Variants in ROBO2 observed in about 807,000 individuals in gnomAD.
ROBO2 encodes the protein roundabout homolog 2.
In ROBO2, 53 loss-of-function variants were observed where a neutral mutation model predicts 160.8. That is an observed-to-expected ratio of 0.33 (90% CI 0.26 to 0.41). The LOEUF (loss-of-function observed/expected upper bound fraction) is 0.41, where lower values mean the gene tolerates loss of function less well. ROBO2 is among the 10% of genes least tolerant of loss of function. ROBO2 has a pLI of 1.00. For synonymous variants in ROBO2, 664 were observed against 611.7 expected, an observed-to-expected ratio of 1.09 and a Z score of -1.26; for missense variants, 1,577 against 1,722.4, an observed-to-expected ratio of 0.92 and a Z score of 1.49.
intron 2 of ROBO2, among the ~76,000 whole-genome samples, chr3:76,219,220 C>G (rs1009623273): frequency 2.0e-5 from 3 of 152,116 alleles, no homozygotes; most frequent in Non-Finnish European, 4.4e-5. Context: ...ACCATAAAAA[C>G]CCTAGAAGAA....
intron 2 of ROBO2, among the ~76,000 whole-genome samples, chr3:77,298,952 A>G (rs1428102213): frequency 6.6e-6 from 1 of 152,208 alleles, no homozygotes; most frequent in East Asian, 1.9e-4. Context: ...AGGACATTTC[A>G]GAAGATAGAG....
At chr3:76,979,806 ATTC>A (rs2060004844) in intron 2 of ROBO2, among the ~76,000 whole-genome samples, 2 of 151,934 alleles carry the variant, frequency 1.3e-5, no homozygotes, top group Non-Finnish European at 2.9e-5. Flanking sequence ...TGCATTTTGT[ATTC>A]TTTACTTGAT....
At chr3:76,086,881 A>G (rs967451413) in intron 2 of ROBO2, among the ~76,000 whole-genome samples, 1 of 152,162 alleles carries the variant, frequency 6.6e-6, no homozygotes, top group African/African-American at 2.4e-5. Flanking sequence ...AGAGTTTAAA[A>G]ACACTAATAG....
At chr3:77,070,335 G>C (rs1469068681) in intron 1 of ROBO2, among the ~76,000 whole-genome samples, 1 of 152,060 alleles carries the variant, frequency 6.6e-6, no homozygotes, top group Non-Finnish European at 1.5e-5. Flanking sequence ...AGCTTTGGTG[G>C]CTTAGATGTT....
At chr3:76,519,973 C>T (rs2081519776) in intron 2 of ROBO2, among the ~76,000 whole-genome samples, 1 of 152,030 alleles carries the variant, frequency 6.6e-6, no homozygotes, top group Admixed American at 6.5e-5. Flanking sequence ...CTCAGAGCAC[C>T]CAAGGACTCA....
intron 2 of ROBO2, among the ~76,000 whole-genome samples, chr3:76,411,117 A>G (rs1181710380): frequency 1.3e-5 from 2 of 152,176 alleles, no homozygotes; most frequent in Non-Finnish European, 2.9e-5. Context: ...TCCAATGGCC[A>G]TGAACAAAAC....
intron 2 of ROBO2, among the ~76,000 whole-genome samples, chr3:77,237,567 A>G (rs2088261539): frequency 1.3e-5 from 2 of 151,974 alleles, no homozygotes; most frequent in South Asian, 2.1e-4. Flanking sequence ...ACCTGGTGAT[A>G]GCTCCTTTTT....
At position 75,988,015 on chromosome 3, in the gene ROBO2, T is replaced by C. The variant is rs1242896742; in HGVS notation, c.109+50413T>C. Among the ~76,000 whole-genome samples, 3 of 152,160 alleles carry C rather than the reference T, an allele frequency of 2.0e-5. 1 individual carries two copies. Among genetic ancestry groups the C allele is most frequent in the African/African-American group, 2.4e-5 (1 of 41,538 alleles). ...GTTTTTTTGTTTTTTGCAATGTCTT[T>C]GTCTGGTTTTGGTAGTAGGGTAATG... On this transcript the variant is annotated intron_variant, in intron 2 of 26. Coordinates refer to the ROBO2 transcript ENST00000487694.
intron 2 of ROBO2, among the ~76,000 whole-genome samples, chr3:76,252,428 C>G (rs535371191): frequency 6.6e-6 from 1 of 152,030 alleles, no homozygotes; most frequent in African/African-American, 2.4e-5. Context: ...ACAGCCACCA[C>G]TGTTTATTAA....
At chr3:76,987,628 G>T (rs1428157545) in intron 2 of ROBO2, among the ~76,000 whole-genome samples, 1 of 151,900 alleles carries the variant, frequency 6.6e-6, no homozygotes, top group Non-Finnish European at 1.5e-5. Context: ...TTTTTAAAAA[G>T]GCAGCTTAAA....
rs540719418 is a variant in ROBO2, at chr3:76,628,022, C to T, written c.110-469992C>T. 3.1e-5 allele frequency among the ~76,000 whole-genome samples: 4 copies of T among 129,572 alleles called. No individual in the cohort carries two copies. In the South Asian group the frequency reaches 1.0e-3, roughly 32 times the overall value. 85.0% of individuals were successfully genotyped at this position (129,572 alleles called of 152,430 possible). ...ATTATAACAAGAGTAGTTTTAAGTCCTTTGGCTAAGGAAAAAAGGTATATT... is the reference window on the plus strand; with the variant it reads ...ATTATAACAAGAGTAGTTTTAAGTCTTTTGGCTAAGGAAAAAAGGTATATT... On this transcript the variant is annotated intron_variant, in intron 2 of 26. Transcript: ENST00000487694.
chr3:77,118,384 C>A (rs2074409835), intron 2 of ROBO2, among the ~76,000 whole-genome samples: 1 of 152,126 alleles, frequency 6.6e-6, no homozygotes, highest in South Asian at 2.1e-4. Flanking sequence ...TTTGGAAATT[C>A]ATTTGAGCAG....
intron 2 of ROBO2, among the ~76,000 whole-genome samples, chr3:76,954,001 C>T (rs891364864): frequency 1.7e-4 from 26 of 152,198 alleles, no homozygotes; most frequent in African/African-American, 6.3e-4. Flanking sequence ...TCTCAAATAT[C>T]TATGCAGTTA....
intron 1 of ROBO2, among the ~76,000 whole-genome samples, chr3:75,922,778 G>A (rs528063062): frequency 1.8e-4 from 28 of 152,142 alleles, no homozygotes; most frequent in Non-Finnish European, 2.9e-4. Flanking sequence ...AATCTATTTT[G>A]AAAATGTTTA....
intron 2 of ROBO2, among the ~76,000 whole-genome samples, chr3:76,551,822 C>G (rs757322304): frequency 6.6e-6 from 1 of 152,186 alleles, no homozygotes; most frequent in Non-Finnish European, 1.5e-5. Context: ...GAGCTGCCCA[C>G]TGTGCCACAG....
intron 2 of ROBO2, among the ~76,000 whole-genome samples, chr3:76,219,604 A>G (rs1234543779): frequency 1.3e-5 from 2 of 152,240 alleles, no homozygotes; most frequent in Non-Finnish European, 2.9e-5. Flanking sequence ...CATCAGAGAC[A>G]TGCAAATCAA....
intron 1 of ROBO2, among the ~76,000 whole-genome samples, chr3:77,053,835 A>G (rs542877267): frequency 1.3e-5 from 2 of 152,306 alleles, no homozygotes; most frequent in Middle Eastern, 3.4e-3. Context: ...AAGCCAGCAA[A>G]GCAATAACAC....
chr3:76,130,385 A>T (rs1392507839), intron 2 of ROBO2, among the ~76,000 whole-genome samples: 2 of 152,174 alleles, frequency 1.3e-5, no homozygotes, highest in South Asian at 4.1e-4. Flanking sequence ...AGTTAAAAGG[A>T]AAATATTTCT....
intron 2 of ROBO2, among the ~76,000 whole-genome samples, chr3:76,387,532 T>C (rs2076950723): frequency 6.6e-6 from 1 of 152,150 alleles, no homozygotes; most frequent in Non-Finnish European, 1.5e-5. Flanking sequence ...TTGCACATAA[T>C]AGGCAATTAA....
Sources: allele counts gnomAD v4.1 joint callset (sites outside exome capture counted in the v4.1 genomes callset), GRCh38; gene constraint gnomAD v4.1.1; transcripts MANE v1.5; gene names NCBI Gene and HGNC (gene_info 2026-07-23, HGNC 2026-07-21).